Variants in MRFAP1L2 observed in about 807,000 individuals in gnomAD.
MRFAP1L2 encodes the protein MORF4 family-associated protein 1-like protein UPP.
At chr4:6,674,647 G>A in the MRFAP1L2 span, 2 of 553,130 alleles carry the variant, frequency 3.6e-6, no homozygotes, top group East Asian at 3.4e-5. Flanking sequence ...GGTAGGCAGG[G>A]AGGGGAGCGC....
the MRFAP1L2 span, chr4:6,674,708 T>C: frequency 1.9e-6 from 1 of 523,568 alleles, no homozygotes; most frequent in Non-Finnish European, 3.3e-6. Context: ...TTTTCATAGG[T>C]AATTAGAGAA....
At chr4:6,676,014 A>C in the MRFAP1L2 span, 1 of 152,264 alleles carries the variant, frequency 6.6e-6, no homozygotes, top group Non-Finnish European at 1.5e-5. Context: ...CTTGGCCAAG[A>C]AAAGGTAAGG....
At chr4:6,675,579 TG>T in the MRFAP1L2 span, 1 of 152,132 alleles carries the variant, frequency 6.6e-6, no homozygotes, top group East Asian at 1.9e-4. Flanking sequence ...CTGTTTTGGG[TG>T]TTTTGTTTTT....
chr4:6,675,633 C>T, the MRFAP1L2 span: 5 of 152,194 alleles, frequency 3.3e-5, no homozygotes, highest in Admixed American at 1.3e-4. Flanking sequence ...ATGTAATTTT[C>T]CTATGGCATG....
the MRFAP1L2 span, chr4:6,674,111 C>T: frequency 1.1e-3 from 426 of 382,562 alleles, 4 homozygotes; most frequent in African/African-American, 7.7e-3. Flanking sequence ...AAAGTTGGGG[C>T]AACCTGTTGC....
At chr4:6,674,334 C>G in the MRFAP1L2 span, 2 of 629,038 alleles carry the variant, frequency 3.2e-6, no homozygotes, top group Non-Finnish European at 5.7e-6. Context: ...CGCGCCCGGG[C>G]GCACTGGCGG....
At chr4:6,674,572 A>C in the MRFAP1L2 span, 1 of 641,876 alleles carries the variant, frequency 1.6e-6, no homozygotes, top group Non-Finnish European at 2.8e-6. Context: ...AGTGCTGCTG[A>C]GCCGGCGAGG....
At chr4:6,675,107 A>G in the MRFAP1L2 span, 1 of 152,312 alleles carries the variant, frequency 6.6e-6, no homozygotes, top group Non-Finnish European at 1.5e-5. Context: ...CGTTTTCTCC[A>G]CATTAGCCAC....
chr4:6,675,385 A>AG, the MRFAP1L2 span: 1 of 152,172 alleles, frequency 6.6e-6, no homozygotes, highest in African/African-American at 2.4e-5. Flanking sequence ...ACTTGAGGTT[A>AG]GAGTTCTGCA....
At chr4:6,674,310 C>T in the MRFAP1L2 span, 2 of 614,610 alleles carry the variant, frequency 3.3e-6, no homozygotes, top group Non-Finnish European at 5.8e-6. Context: ...AACCTGGCCT[C>T]CCTGGAGCGC....
At chr4:6,675,052 A>G in the MRFAP1L2 span, 4 of 152,944 alleles carry the variant, frequency 2.6e-5, no homozygotes, top group African/African-American at 9.6e-5. Flanking sequence ...GGACAGGCTC[A>G]AACCAAGAGA....
chr4:6,674,433 C>A, the MRFAP1L2 span: 2 of 656,690 alleles, frequency 3.0e-6, no homozygotes, highest in Non-Finnish European at 5.5e-6. Context: ...CGGGCCCCAG[C>A]ACCCCGCCCG....
the MRFAP1L2 span, chr4:6,674,579 G>T: frequency 1.6e-6 from 1 of 632,710 alleles, no homozygotes; most frequent in Non-Finnish European, 2.8e-6. Flanking sequence ...CTGAGCCGGC[G>T]AGGCCGCGCG....
At chr4:6,674,543 C>G in the MRFAP1L2 span, 1 of 663,844 alleles carries the variant, frequency 1.5e-6, no homozygotes, top group African/African-American at 1.9e-5. Context: ...GGAGCTGCAC[C>G]AGCGGATCGC....
the MRFAP1L2 span, chr4:6,674,463 G>C: frequency 3.0e-6 from 2 of 660,982 alleles, no homozygotes; most frequent in Non-Finnish European, 2.7e-6. Context: ...GCTGAGGAGC[G>C]GGTGGCTCGG....
At chr4:6,674,754 A>T in the MRFAP1L2 span, 1 of 503,750 alleles carries the variant, frequency 2.0e-6, no homozygotes, top group Non-Finnish European at 3.5e-6. Flanking sequence ...AGTCATGACC[A>T]CTGGAAGTAT....
chr4:6,674,852 C>T, the MRFAP1L2 span: 3 of 383,308 alleles, frequency 7.8e-6, no homozygotes, highest in African/African-American at 4.2e-5. Context: ...AATGTTGTTA[C>T]GAGATTGGAG....
At chr4:6,674,585 G>A in the MRFAP1L2 span, 3 of 628,140 alleles carry the variant, frequency 4.8e-6, no homozygotes, top group African/African-American at 1.9e-5. Flanking sequence ...CGGCGAGGCC[G>A]CGCGGGTCTG....
At chr4:6,674,906 T>G in the MRFAP1L2 span, 1 of 248,052 alleles carries the variant, frequency 4.0e-6, no homozygotes, top group Non-Finnish European at 7.7e-6. Context: ...TGTGCACAGG[T>G]GGTTGGGTTT....
Sources: gnomAD v4.1 joint callset for allele counts on GRCh38, gnomAD v4.1.1 for gene constraint, MANE v1.5 for transcripts, NCBI Gene and HGNC (gene_info 2026-07-23, HGNC 2026-07-21) for gene names.